The following POLR2C variants were observed in gnomAD, a reference collection of about 807,000 sequenced individuals.
POLR2C encodes DNA-directed RNA polymerase II subunit RPB3.
Under a neutral mutation model 41.7 loss-of-function variants are expected in POLR2C, and 36 were observed. The ratio of observed to expected loss-of-function variants is 0.86; its 90% CI spans 0.66 to 1.14. The LOEUF (loss-of-function observed/expected upper bound fraction) is 1.14, where lower values mean the gene tolerates loss of function less well. Ranked by LOEUF, POLR2C falls within the 50% of genes most tolerant of loss-of-function variation. POLR2C has a pLI of 0.00. For synonymous variants in POLR2C, 133 were observed against 137.8 expected, an observed-to-expected ratio of 0.96 and a Z score of 0.25; for missense variants, 260 against 350.4, an observed-to-expected ratio of 0.74 and a Z score of 2.06.
rs1307120957 is a variant in POLR2C, at chr16:57,469,843, G to T, written c.439+82G>T. On this transcript the variant is annotated intron_variant, in intron 6 of 8. Transcript: ENST00000219252. The surrounding 1 kb of genome is among the most constrained non-coding windows in gnomAD (Gnocchi z 5.8). ...GCCTCTCGTGCTGCCTGGTCTCCTC[G>T]AAAATTGGCTTTAGACCGTTTTTCC... 1 of 1,577,166 alleles carries T rather than the reference G, an allele frequency of 6.3e-7. No individual in the cohort carries two copies. Among genetic ancestry groups the T allele is most frequent in the Non-Finnish European group, 8.7e-7 (1 of 1,147,526 alleles).
At chr16:57,470,428 C>A in intron 8 of POLR2C, 74 bp downstream of exon 8, 2 of 1,067,192 alleles carry the variant, frequency 1.9e-6, no homozygotes, top group Non-Finnish European at 2.8e-6. Flanking sequence ...GTGAGTTAGG[C>A]ATTCCCTCTC....
At chr16:57,464,322 G>A (rs2030652544) in intron 2 of POLR2C, among the ~76,000 whole-genome samples, 1 of 152,204 alleles carries the variant, frequency 6.6e-6, no homozygotes, top group Non-Finnish European at 1.5e-5. Context: ...GGAGTCCACA[G>A]TGAGGTTGTA....
chr16:57,469,277 G>GCC lies in POLR2C; in HGVS notation c.375_376dup (p.Arg126ProfsTer6). On this transcript the variant is annotated frameshift_variant, in exon 5 of 9. Transcript: ENST00000219252. LOFTEE classifies it high-confidence loss of function. This position sits in a 1 kb window ranked among gnomAD's most constrained non-coding sequence, Gnocchi z 5.8. ...ACGTCTCGAGACCTCATCTCCAACA[G>GCC]CCCCCGGGTCATTCCGGTCAGTGCG... 6.2e-7 allele frequency: 1 copy of GCC among 1,614,022 alleles called. No individual in the cohort carries two copies. Among genetic ancestry groups the GCC allele is most frequent in the Non-Finnish European group, 8.5e-7 (1 of 1,179,870 alleles).
intron 2 of POLR2C, 60 bp from the exon 3 acceptor site, chr16:57,465,893 C>A: frequency 9.8e-7 from 1 of 1,023,224 alleles, no homozygotes; most frequent in Non-Finnish European, 1.6e-6. Context: ...AGAACCACTG[C>A]ATTAAGTCTG....
intron 4 of POLR2C, among the ~76,000 whole-genome samples, chr16:57,468,051 C>T (rs1368483676): frequency 6.6e-6 from 1 of 152,032 alleles, no homozygotes; most frequent in Non-Finnish European, 1.5e-5. Context: ...GCTCTGTCAC[C>T]CAGGCTAGAG....
chr16:57,465,779 G>C (rs1033781416), intron 2 of POLR2C, 174 bp from the exon 3 acceptor site: 1 of 594,280 alleles, frequency 1.7e-6, no homozygotes, highest in African/African-American at 1.9e-5. Context: ...GTGAGGTGTG[G>C]TGTGTGTGGG....
chr16:57,465,837 C>T, intron 2 of POLR2C, 116 bp from the exon 3 acceptor site: 1 of 739,720 alleles, frequency 1.4e-6, no homozygotes, highest in South Asian at 1.5e-5. Context: ...GCTGTGGAAT[C>T]AGCCCAGCAA....
At chr16:57,466,341 C>T (rs1337110838) in intron 4 of POLR2C, 114 bp downstream of exon 4, 7 of 734,472 alleles carry the variant, frequency 9.5e-6, no homozygotes, top group Non-Finnish European at 1.4e-5. Context: ...TCTGGAACAA[C>T]AACGTGGAGA....
intron 8 of POLR2C, 51 bp from the exon 9 acceptor site, chr16:57,470,924 C>T (rs775634644): frequency 3.1e-6 from 5 of 1,592,360 alleles, no homozygotes; most frequent in East Asian, 2.2e-5. Flanking sequence ...GGCCAGAGCT[C>T]GGGTCGGCCA....
chr16:57,470,705 ACT>A (rs1313769138), intron 8 of POLR2C, among the ~76,000 whole-genome samples: 1 of 151,776 alleles, frequency 6.6e-6, no homozygotes. Flanking sequence ...TTGGTTTTCC[ACT>A]CTCTCCTCAG....
At chr16:57,465,623 T>C (rs1598043138) in intron 2 of POLR2C, 1 of 253,632 alleles carries the variant, frequency 3.9e-6, no homozygotes, top group East Asian at 1.0e-4. Context: ...TTCTTGGATT[T>C]AGTGGTGGCA....
At position 57,469,595 on chromosome 16, in the gene POLR2C, T is replaced by A; in HGVS notation, c.388-115T>A. 1.1e-6 allele frequency: 1 copy of A among 921,892 alleles called. No individual in the cohort carries two copies. The highest frequency in any genetic ancestry group is 2.5e-5 in the East Asian group (1 of 40,220). The allele number at this position is 921,892 out of a possible 1,614,324, so 57.1% of individuals were successfully genotyped here. ...TGGGGGCATCTGTGCCACCACCTCGTCAGGTGTTCGTTCCCTGGTTGACAG... is the reference window on the plus strand; with the variant it reads ...TGGGGGCATCTGTGCCACCACCTCGACAGGTGTTCGTTCCCTGGTTGACAG... On this transcript the variant is annotated intron_variant, in intron 5 of 8. Coordinates refer to ENST00000219252, the MANE Select transcript of POLR2C (RefSeq NM_032940.3). This position sits in a 1 kb window ranked among gnomAD's most constrained non-coding sequence, Gnocchi z 5.8.
intron 2 of POLR2C, among the ~76,000 whole-genome samples, chr16:57,465,400 C>A (rs2030681366): frequency 6.6e-6 from 1 of 152,198 alleles, no homozygotes; most frequent in Non-Finnish European, 1.5e-5. Flanking sequence ...ACAGTCTTTA[C>A]CCTCCTACGA....
In POLR2C at chr16:57,465,944, A is replaced by AT. The variant is rs1401641786; in HGVS notation, c.137-3dup. 1.3e-6 allele frequency: 2 copies of AT among 1,571,286 alleles called. No homozygotes were observed. The highest frequency in any genetic ancestry group is 2.2e-5 in the East Asian group (1 of 44,686). On this transcript the variant is annotated splice_polypyrimidine_tract_variant and intron_variant, in intron 2 of 8. Transcript: ENST00000219252. Reference sequence around the variant, plus strand: ...GCTAAACTCCATGTCTGCTTCTTTCATTTTTTAGCCATTGACTGGGTTCAG... The same window carrying AT: ...GCTAAACTCCATGTCTGCTTCTTTCATTTTTTTAGCCATTGACTGGGTTCAG...
chr16:57,463,341 C>T (rs2030627457), intron 2 of POLR2C: 3 of 582,966 alleles, frequency 5.1e-6, no homozygotes, highest in Non-Finnish European at 9.2e-6. Flanking sequence ...GACTTGGGTT[C>T]AAATACTGTT....
chr16:57,466,138 T>C (rs759725586), intron 3 of POLR2C, 37 bp from the exon 4 acceptor site: 17 of 1,546,434 alleles, frequency 1.1e-5, no homozygotes, highest in Non-Finnish European at 1.4e-5. Flanking sequence ...GGCTTGGCTG[T>C]TTGGTTTTCT....
rs2030768793 is a variant in POLR2C, at chr16:57,469,052, A to C, written c.259-113A>C. 1 of 1,035,670 alleles carries C rather than the reference A, an allele frequency of 9.7e-7. No individual in the cohort carries two copies. Among genetic ancestry groups the C allele is most frequent in the African/African-American group, 1.6e-5 (1 of 62,766 alleles). The allele number at this position is 1,035,670 out of a possible 1,614,324, so 64.2% of individuals were successfully genotyped here. Reference sequence around the variant, plus strand: ...CCTGGATACTGATGAACCCCTTTTTACAGGTGAAGAAACTTAAGGAACTGG... The same window carrying C: ...CCTGGATACTGATGAACCCCTTTTTCCAGGTGAAGAAACTTAAGGAACTGG... On this transcript the variant is annotated intron_variant, in intron 4 of 8. Transcript: ENST00000219252. The surrounding 1 kb of genome is among the most constrained non-coding windows in gnomAD (Gnocchi z 5.8).
intron 8 of POLR2C, 91 bp downstream of exon 8, chr16:57,470,445 C>T: frequency 2.2e-6 from 2 of 894,100 alleles, no homozygotes; most frequent in South Asian, 1.6e-5. Context: ...TCTCCCCCAC[C>T]TCGCAGTTCT....
intron 4 of POLR2C, among the ~76,000 whole-genome samples, chr16:57,467,331 C>T (rs758459579): frequency 5.3e-5 from 8 of 152,160 alleles, no homozygotes; most frequent in African/African-American, 1.7e-4. Flanking sequence ...AACATTTTGC[C>T]CTATTTGTTT....
Sources: allele counts gnomAD v4.1 joint callset (sites outside exome capture counted in the v4.1 genomes callset), GRCh38; gene constraint gnomAD v4.1.1; non-coding constraint Gnocchi (gnomAD v3.1); transcripts MANE v1.5; gene names NCBI Gene and HGNC (gene_info 2026-07-23, HGNC 2026-07-21).